NKAIN3: variants seen among roughly 807,000 people sequenced by gnomAD.
The protein encoded by NKAIN3 is sodium/potassium-transporting ATPase subunit beta-1-interacting protein 3.
Under a neutral mutation model 30.2 loss-of-function variants are expected in NKAIN3, and 25 were observed. The ratio of observed to expected loss-of-function variants is 0.83; its 90% confidence interval spans 0.60 to 1.16. The LOEUF is 1.16. NKAIN3 is among the 50% of genes most tolerant of loss of function. The pLI, the probability that NKAIN3 is intolerant of heterozygous loss-of-function variation, is 0.00. For synonymous variants in NKAIN3, 91 were observed against 89.6 expected (o/e 1.02, Z -0.09); for missense variants, 225 against 254.1 (o/e 0.89, Z 0.78).
intron 4 of NKAIN3, among the ~76,000 whole-genome samples, chr8:62,810,625 A>G (rs1166872655): frequency 7.1e-6 from 1 of 141,842 alleles, no homozygotes; most frequent in East Asian, 2.1e-4. Flanking sequence ...GATTGTAAGT[A>G]TGTAGGTAGA....
At chr8:62,488,521 G>A (rs1806971995) in intron 1 of NKAIN3, among the ~76,000 whole-genome samples, 1 of 152,064 alleles carries the variant, frequency 6.6e-6, no homozygotes. Context: ...AGCTGAATGG[G>A]TAGCCCATCC....
chr8:62,602,788 G>A (rs2130154046), intron 3 of NKAIN3, among the ~76,000 whole-genome samples: 1 of 152,194 alleles, frequency 6.6e-6, no homozygotes, highest in East Asian at 1.9e-4. Flanking sequence ...GGCCTCTGCT[G>A]ATGAATCTCC....
At chr8:62,596,560 G>C (rs1427786782) in intron 3 of NKAIN3, among the ~76,000 whole-genome samples, 2 of 152,034 alleles carry the variant, frequency 1.3e-5, no homozygotes, top group African/African-American at 4.8e-5. Flanking sequence ...AGCATACTTA[G>C]AGTCTGTATA....
intron 4 of NKAIN3, among the ~76,000 whole-genome samples, chr8:62,747,701 A>G: frequency 6.6e-6 from 1 of 152,366 alleles, no homozygotes; most frequent in Middle Eastern, 3.4e-3. Flanking sequence ...AAGTAATTTT[A>G]TTCCACCAGA....
intron 4 of NKAIN3, among the ~76,000 whole-genome samples, chr8:62,868,701 G>A (rs1030385186): frequency 3.9e-5 from 6 of 152,200 alleles, no homozygotes; most frequent in African/African-American, 1.4e-4. Context: ...AAAACTTAGT[G>A]AGGGAAAATT....
At chr8:62,654,055 A>C (rs1812699295) in intron 3 of NKAIN3, among the ~76,000 whole-genome samples, 1 of 152,160 alleles carries the variant, frequency 6.6e-6, no homozygotes, top group Admixed American at 6.6e-5. Flanking sequence ...CTTAGAGGCA[A>C]CAGAGATGGT....
At chr8:62,713,660 A>C (rs908220947) in intron 3 of NKAIN3, among the ~76,000 whole-genome samples, 1 of 152,164 alleles carries the variant, frequency 6.6e-6, no homozygotes, top group Non-Finnish European at 1.5e-5. Context: ...CCCTTCAATA[A>C]ATTTTTATAT....
chr8:62,838,024 A>T (rs1222367578), intron 4 of NKAIN3, among the ~76,000 whole-genome samples: 2 of 152,036 alleles, frequency 1.3e-5, no homozygotes, highest in Non-Finnish European at 2.9e-5. Flanking sequence ...TAATGCGTAA[A>T]AACTTAGGAA....
At chr8:62,294,784 A>G (rs963031267) in intron 1 of NKAIN3, among the ~76,000 whole-genome samples, 2 of 152,088 alleles carry the variant, frequency 1.3e-5, no homozygotes, top group Non-Finnish European at 2.9e-5. Flanking sequence ...GGCTCTAGCT[A>G]TTCTCCCACC....
intron 1 of NKAIN3, among the ~76,000 whole-genome samples, chr8:62,511,596 T>C (rs1807815723): frequency 2.0e-5 from 3 of 152,198 alleles, no homozygotes; most frequent in Admixed American, 6.5e-5. Context: ...GCCCTGACAT[T>C]TCATACAGAG....
rs558561540 is a variant in NKAIN3, at chr8:62,528,369, A to C, written c.55-51170A>C. Reference sequence around the variant, plus strand: ...TATATATATATGACTTTTGTTGTAGAATAAATGTAACACAAAATGTTTCTA... The same window carrying C: ...TATATATATATGACTTTTGTTGTAGCATAAATGTAACACAAAATGTTTCTA... On this transcript the variant is annotated intron_variant, in intron 1 of 6. Coordinates refer to ENST00000623646, the MANE Select transcript of NKAIN3 (RefSeq NM_001304533.3). Among the ~76,000 whole-genome samples the C allele has an allele frequency of 2.2e-3, 328 of 147,400 alleles. 3 individuals carry two copies. Among genetic ancestry groups the C allele is most frequent in the African/African-American group, 7.5e-3 (301 of 40,178 alleles).
At chr8:62,345,286 C>CATATATATGTAT (rs1815897087) in intron 1 of NKAIN3, among the ~76,000 whole-genome samples, 1 of 146,888 alleles carries the variant, frequency 6.8e-6, no homozygotes, top group African/African-American at 2.5e-5. Context: ...TATACACGCA[C>CATATATATGTAT]ATATACACAC....
intron 3 of NKAIN3, among the ~76,000 whole-genome samples, chr8:62,666,541 C>A (rs556837137): frequency 3.9e-5 from 6 of 152,150 alleles, no homozygotes; most frequent in Non-Finnish European, 7.4e-5. Context: ...GTAGTTTTAT[C>A]AGCTTTAAAT....
At position 62,980,711 on chromosome 8, in the gene NKAIN3, A is replaced by G. The variant is rs549041866; in HGVS notation, c.*15304A>G. On this transcript the variant is annotated 3_prime_UTR_variant, in exon 7 of 7. Transcript: ENST00000623646. ...TTCCTTGTACATGATATTTTTAGGCAAAACATAATGTCTGGAGCACCAAGT... is the reference window on the plus strand; with the variant it reads ...TTCCTTGTACATGATATTTTTAGGCGAAACATAATGTCTGGAGCACCAAGT... 1 of 152,350 alleles carries G rather than the reference A, an allele frequency of 6.6e-6. No individual in the cohort carries two copies. Among genetic ancestry groups the G allele is most frequent in the Non-Finnish European group, 1.5e-5 (1 of 68,040 alleles). The allele number at this position is 152,350 out of a possible 1,614,324, so 9.4% of individuals were successfully genotyped here. A position where few individuals can be genotyped will look rare whatever the true frequency, so the allele number is the denominator to read the frequency against.
intron 5 of NKAIN3, among the ~76,000 whole-genome samples, chr8:62,929,506 A>ACT (rs1822554263): frequency 6.6e-6 from 1 of 152,194 alleles, no homozygotes; most frequent in Admixed American, 6.5e-5. Context: ...ACTAGTCCTA[A>ACT]AGTCAAAGCC....
intron 4 of NKAIN3, among the ~76,000 whole-genome samples, chr8:62,871,770 A>G (rs1820654564): frequency 6.6e-6 from 1 of 152,240 alleles, no homozygotes; most frequent in South Asian, 2.1e-4. Flanking sequence ...TATCTCCAGT[A>G]AAATTGCCAT....
At position 62,390,315 on chromosome 8, in the gene NKAIN3, C is replaced by T. The variant is rs1255092360; in HGVS notation, c.54+141188C>T. On this transcript the variant is annotated intron_variant, in intron 1 of 6. Transcript: ENST00000623646. ...TGTGTTCTTTGGCTTTTTGTTCCTG[C>T]ATTAATTTGCTAAGGATAATGTCTG... Among the ~76,000 whole-genome samples the T allele has an allele frequency of 3.9e-5, 6 of 152,100 alleles. No homozygotes were observed. In the East Asian group the frequency reaches 1.2e-3, roughly 29 times the overall value.
chr8:62,796,542 C>CG (rs1817867927), intron 4 of NKAIN3, among the ~76,000 whole-genome samples: 1 of 152,064 alleles, frequency 6.6e-6, no homozygotes, highest in Non-Finnish European at 1.5e-5. Context: ...GGCAGCCAAT[C>CG]TGAATTCCTC....
At position 62,976,140 on chromosome 8, in the gene NKAIN3, C is replaced by A. The variant is rs188402416; in HGVS notation, c.*10733C>A. Among the ~76,000 whole-genome samples, 4 of 152,120 alleles carry A rather than the reference C, an allele frequency of 2.6e-5. No homozygotes were observed. Among genetic ancestry groups the A allele is most frequent in the Admixed American group, 6.5e-5 (1 of 15,270 alleles). On this transcript the variant is annotated 3_prime_UTR_variant, in exon 7 of 7. Coordinates refer to ENST00000623646, the MANE Select transcript of NKAIN3 (RefSeq NM_001304533.3). Reference sequence around the variant, plus strand: ...TTTTAGGAAAATGTGCTATGTGATGCTGAGGAGAATGTATATTCTGTTGAT... The same window carrying A: ...TTTTAGGAAAATGTGCTATGTGATGATGAGGAGAATGTATATTCTGTTGAT...
Sources: gnomAD v4.1 joint callset for allele counts (sites outside exome capture counted in the v4.1 genomes callset) on GRCh38, gnomAD v4.1.1 for gene constraint, MANE v1.5 for transcripts, NCBI Gene and HGNC (gene_info 2026-07-23, HGNC 2026-07-21) for gene names.